Variants in SBSPON observed in about 807,000 individuals in gnomAD.
SBSPON encodes the protein somatomedin B and thrombospondin type 1 domain containing, also known as somatomedin-B and thrombospondin type-1 domain-containing protein.
Under a neutral mutation model 35.8 loss-of-function variants are expected in SBSPON, and 30 were observed. The observed-to-expected ratio is 0.84, with a 90% CI of 0.63 to 1.14. SBSPON has a LOEUF of 1.14. SBSPON is among the 50% of genes most tolerant of loss of function. The pLI is 0.00. For synonymous variants in SBSPON, 136 were observed against 135.9 expected (o/e 1.00, Z 0.00); for missense variants, 364 against 357.7 (o/e 1.02, Z -0.14).
intron 4 of SBSPON, among the ~76,000 whole-genome samples, chr8:73,068,719 C>A (rs191241148): frequency 4.0e-4 from 61 of 152,236 alleles, no homozygotes; most frequent in African/African-American, 1.0e-3. Flanking sequence ...TATGAAGAAG[C>A]CCCATTGAGC....
intron 2 of SBSPON, among the ~76,000 whole-genome samples, chr8:73,076,492 C>G (rs549048495): frequency 7.9e-5 from 12 of 151,842 alleles, no homozygotes; most frequent in Non-Finnish European, 1.3e-4. Flanking sequence ...ACTAAAAATA[C>G]AAAAATTAGC....
At chr8:73,091,038 T>C (rs1810923139) in intron 1 of SBSPON, among the ~76,000 whole-genome samples, 1 of 152,214 alleles carries the variant, frequency 6.6e-6, no homozygotes. Flanking sequence ...ATTCTCCTTG[T>C]CTCTCCTCAT....
intron 2 of SBSPON, among the ~76,000 whole-genome samples, chr8:73,076,921 T>C (rs888711978): frequency 6.6e-6 from 1 of 152,160 alleles, no homozygotes; most frequent in Non-Finnish European, 1.5e-5. Flanking sequence ...GTTTTGTTTT[T>C]TTGAGACAGA....
chr8:73,083,395 G>A (rs114364150), intron 1 of SBSPON, among the ~76,000 whole-genome samples: 1,778 of 152,262 alleles, frequency 0.012, 32 homozygotes, highest in African/African-American at 0.04. Context: ...ATTTTGCGTC[G>A]GAAGATTAAA....
Position 73,081,175 on chromosome 8 carries a change from C to A in SBSPON, c.253G>T (p.Gly85Cys). The A allele has an allele frequency of 1.2e-6, 2 of 1,604,958 alleles. No individual in the cohort carries two copies. Among genetic ancestry groups the A allele is most frequent in the Non-Finnish European group, 1.7e-6 (2 of 1,174,938 alleles). The change falls in exon 2 of 5, where the codon GGT becomes TGT. Residue 85 changes from glycine (G) to cysteine (C), a missense_variant. Coordinates refer to ENST00000297354, the MANE Select transcript of SBSPON (RefSeq NM_153225.4). The stretch of plus-strand genomic sequence containing the variant: ...GTAGGCTTGCACTGGTCTGCACAAC[C>A]ACTCCAGGGGCTCCATTCCCCCACG... Reference protein sequence around the residue: ...CFVGEWSPWSGCADQCKPTTR... With the variant: ...CFVGEWSPWSCCADQCKPTTR...
At position 73,067,261 on chromosome 8, in the gene SBSPON, G is replaced by T; in HGVS notation, c.*80C>A. On this transcript the variant is annotated 3_prime_UTR_variant, in exon 5 of 5. Transcript: ENST00000297354. ...GTGTTTGGGGACTTTGGCCAAAATTGAAGGTTTAGGAAACATTGAACATGA... is the reference window on the plus strand; with the variant it reads ...GTGTTTGGGGACTTTGGCCAAAATTTAAGGTTTAGGAAACATTGAACATGA... 1.1e-6 allele frequency: 1 copy of T among 892,912 alleles called. No individual in the cohort carries two copies. The highest frequency in any genetic ancestry group is 1.8e-6 in the Non-Finnish European group (1 of 554,444). The allele number at this position is 892,912 out of a possible 1,614,324, so 55.3% of individuals were successfully genotyped here.
intron 2 of SBSPON, among the ~76,000 whole-genome samples, chr8:73,077,981 T>C (rs1810624365): frequency 6.6e-6 from 1 of 152,168 alleles, no homozygotes; most frequent in Non-Finnish European, 1.5e-5. Context: ...CTTGCACAAC[T>C]ATTCTAATAA....
intron 1 of SBSPON, among the ~76,000 whole-genome samples, chr8:73,088,225 A>G (rs915570877): frequency 6.6e-6 from 1 of 152,272 alleles, no homozygotes; most frequent in Non-Finnish European, 1.5e-5. Flanking sequence ...TCTTAGCCAC[A>G]TAATAACAAT....
At chr8:73,091,810 C>G (rs1810940020) in intron 1 of SBSPON, among the ~76,000 whole-genome samples, 1 of 152,204 alleles carries the variant, frequency 6.6e-6, no homozygotes, top group African/African-American at 2.4e-5. Flanking sequence ...CGGGCCTGGC[C>G]ACGGGTTGAA....
chr8:73,087,605 A>C (rs1046276586), intron 1 of SBSPON, among the ~76,000 whole-genome samples: 10 of 151,722 alleles, frequency 6.6e-5, no homozygotes, highest in African/African-American at 2.2e-4. Flanking sequence ...ATCATCGTAG[A>C]CTCTGGCATC....
intron 3 of SBSPON, among the ~76,000 whole-genome samples, chr8:73,071,152 C>T (rs909540208): frequency 1.4e-4 from 22 of 152,194 alleles, no homozygotes; most frequent in Admixed American, 1.4e-3. Flanking sequence ...CAACCAGGCC[C>T]AGCCTCAGGC....
In SBSPON at chr8:73,066,091, G is replaced by A. The variant is rs748221854; in HGVS notation, c.*1250C>T. The A allele has an allele frequency of 1.3e-5, 2 of 152,022 alleles. No homozygotes were observed. The highest frequency in any genetic ancestry group is 6.6e-5 in the Admixed American group (1 of 15,264). The allele number at this position is 152,022 out of a possible 1,614,324, so 9.4% of individuals were successfully genotyped here. A position where few individuals can be genotyped will look rare whatever the true frequency, so the allele number is the denominator to read the frequency against. ...TAAGGACCAAGAAATACGTATTTTA[G>A]TAAATCATTTGTTAGTGAATATTAT... On this transcript the variant is annotated 3_prime_UTR_variant, in exon 5 of 5. Transcript: ENST00000297354.
chr8:73,083,520 T>C (rs1026567546), intron 1 of SBSPON, among the ~76,000 whole-genome samples: 1 of 152,254 alleles, frequency 6.6e-6, no homozygotes, highest in Non-Finnish European at 1.5e-5. Context: ...ATCTTGGTCA[T>C]GGAGGTTAAG....
At chr8:73,091,075 G>C (rs1205037903) in intron 1 of SBSPON, among the ~76,000 whole-genome samples, 1 of 152,226 alleles carries the variant, frequency 6.6e-6, no homozygotes, top group Non-Finnish European at 1.5e-5. Context: ...AATCTCTCCA[G>C]ATCTGGCTGC....
At position 73,093,143 on chromosome 8, in the gene SBSPON, C is replaced by G. The variant is rs1321252816; in HGVS notation, c.-76G>C. Reference sequence around the variant, plus strand: ...CTCTGATCCTCGGCTGGCCGCGGCCCGGGAGCTGCCCGAGCGGCCGGCGAG... The same window carrying G: ...CTCTGATCCTCGGCTGGCCGCGGCCGGGGAGCTGCCCGAGCGGCCGGCGAG... On this transcript the variant is annotated 5_prime_UTR_variant, in exon 1 of 5. Transcript: ENST00000297354. 1 of 788,412 alleles carries G rather than the reference C, an allele frequency of 1.3e-6. No individual in the cohort carries two copies. The highest frequency in any genetic ancestry group is 1.7e-6 in the Non-Finnish European group (1 of 597,698). 48.8% of individuals were successfully genotyped at this position (788,412 alleles called of 1,614,324 possible).
At position 73,092,940 on chromosome 8, in the gene SBSPON, A is replaced by G. The variant is rs1810964090; in HGVS notation, c.128T>C (p.Leu43Pro). 1.9e-6 allele frequency: 3 copies of G among 1,607,678 alleles called. No homozygotes were observed. The highest frequency in any genetic ancestry group is 2.5e-6 in the Non-Finnish European group (3 of 1,178,134). ...DPACFARGWR[L>P]DRVYGTCFCD... Reference sequence around the variant, plus strand: ...GAAACACGTCCCGTAGACCCTGTCCAGCCTCCAGCCGCGGGCGAAGCAGGC... The same window carrying G: ...GAAACACGTCCCGTAGACCCTGTCCGGCCTCCAGCCGCGGGCGAAGCAGGC... The change falls in exon 1 of 5, where the codon CTG becomes CCG. Residue 43 changes from leucine (L) to proline (P), a missense_variant. By Grantham distance (98) the Leu-to-Pro change is moderately conservative. Transcript: ENST00000297354.
At chr8:73,088,242 A>C (rs1344501805) in intron 1 of SBSPON, among the ~76,000 whole-genome samples, 2 of 152,264 alleles carry the variant, frequency 1.3e-5, no homozygotes, top group Non-Finnish European at 2.9e-5. Context: ...CAATAATAAT[A>C]ATGCATTTAT....
intron 4 of SBSPON, among the ~76,000 whole-genome samples, chr8:73,068,672 C>T (rs891365129): frequency 3.3e-5 from 5 of 151,950 alleles, no homozygotes; most frequent in South Asian, 2.1e-4. Context: ...ATTATTATAC[C>T]GCAGAGGTGA....
intron 1 of SBSPON, among the ~76,000 whole-genome samples, chr8:73,083,028 G>T (rs1373067932): frequency 1.3e-5 from 2 of 152,102 alleles, no homozygotes; most frequent in Non-Finnish European, 2.9e-5. Context: ...AATTAGACTT[G>T]GTCCTTATGG....
Sources: allele counts gnomAD v4.1 joint callset (sites outside exome capture counted in the v4.1 genomes callset), GRCh38; gene constraint gnomAD v4.1.1; transcripts MANE v1.5; gene names NCBI Gene and HGNC (gene_info 2026-07-23, HGNC 2026-07-21).